Variants in CTNNA2 observed in about 807,000 individuals in gnomAD.
CTNNA2 encodes catenin alpha 2, also known as catenin alpha-2.
In CTNNA2, 42 loss-of-function variants were observed where a neutral mutation model predicts 101.0. The observed-to-expected ratio is 0.42, with a 90% CI of 0.32 to 0.54. The LOEUF (loss-of-function observed/expected upper bound fraction) is 0.54, where lower values mean the gene tolerates loss of function less well. CTNNA2 is among the 20% of genes least tolerant of loss of function. The pLI is 0.14. For synonymous variants in CTNNA2, 450 were observed against 456.4 expected, an observed-to-expected ratio of 0.99 and a Z score of 0.18; for missense variants, 871 against 1,223.1, an observed-to-expected ratio of 0.71 and a Z score of 4.29.
intron 7 of CTNNA2, among the ~76,000 whole-genome samples, chr2:80,036,381 G>A (rs923475055): frequency 6.6e-6 from 1 of 152,058 alleles, no homozygotes; most frequent in East Asian, 1.9e-4. Flanking sequence ...ATTGCTTGAG[G>A]CCAGGAGTTC....
rs201846936 is a variant in CTNNA2 at position 80,238,255 on chromosome 2, G to A, written c.1057-154956G>A. ...GGGCAAGGGGAATGGCGGCATGGCA[G>A]GCAAGGAGGGGCTGACAGCACGTTG... On this transcript the variant is annotated intron_variant, in intron 7 of 18. Coordinates refer to ENST00000402739, the MANE Select transcript of CTNNA2 (RefSeq NM_001282597.3). Among the ~76,000 whole-genome samples, 7 of 152,212 alleles carry A rather than the reference G, an allele frequency of 4.6e-5. No homozygotes were observed. The East Asian group carries it at 1.4e-3, about 30-fold the overall frequency.
intron 18 of CTNNA2, among the ~76,000 whole-genome samples, chr2:80,637,697 A>G (rs1558667727): frequency 6.6e-6 from 1 of 152,132 alleles, no homozygotes; most frequent in Non-Finnish European, 1.5e-5. Context: ...ACTTCCCCCA[A>G]CATATGAATA....
chr2:79,710,747 G>T (rs1685689293), intron 2 of CTNNA2, among the ~76,000 whole-genome samples: 1 of 152,120 alleles, frequency 6.6e-6, no homozygotes, highest in African/African-American at 2.4e-5. Context: ...TCTGTGTGTT[G>T]TGTGTGCATA....
chr2:80,074,594 C>T (rs181753684), intron 7 of CTNNA2, among the ~76,000 whole-genome samples: 223 of 152,154 alleles, frequency 1.5e-3, no homozygotes, highest in Middle Eastern at 3.4e-3. Flanking sequence ...GATCAAACAA[C>T]CTGAGTCCTG....
At chr2:79,985,453 C>T (rs1304806994) in intron 7 of CTNNA2, among the ~76,000 whole-genome samples, 6 of 152,106 alleles carry the variant, frequency 3.9e-5, no homozygotes, top group African/African-American at 1.4e-4. Flanking sequence ...AGAGTGGCAG[C>T]CTCTGAGTGT....
intron 4 of CTNNA2, among the ~76,000 whole-genome samples, chr2:79,395,313 C>T (rs1370987767): frequency 6.6e-6 from 1 of 151,952 alleles, no homozygotes; most frequent in African/African-American, 2.4e-5. Flanking sequence ...CATATGTATA[C>T]ATGTGCCATG....
chr2:80,297,537 A>G (rs1053968181), intron 7 of CTNNA2, among the ~76,000 whole-genome samples: 1 of 152,134 alleles, frequency 6.6e-6, no homozygotes, highest in Non-Finnish European at 1.5e-5. Context: ...CACTTTGAGT[A>G]AAAAAAGCAA....
chr2:79,223,625 C>G (rs1009634595), intron 2 of CTNNA2, among the ~76,000 whole-genome samples: 9 of 152,142 alleles, frequency 5.9e-5, no homozygotes, highest in Non-Finnish European at 2.9e-5. Context: ...TGCTAATTGC[C>G]CCTATATCCA....
rs1682649558 is a variant in CTNNA2 at position 79,669,152 on chromosome 2, G to T, written c.102+17494G>T. Among the ~76,000 whole-genome samples, 2 of 152,148 alleles carry T rather than the reference G, an allele frequency of 1.3e-5. 1 individual carries two copies. The highest frequency in any genetic ancestry group is 4.1e-4 in the South Asian group (2 of 4,836). On this transcript the variant is annotated intron_variant, in intron 2 of 18. Coordinates refer to ENST00000402739, the MANE Select transcript of CTNNA2 (RefSeq NM_001282597.3). ...AACTTTTCTTAGATATGCCCCACTT[G>T]GGGACTATCTTTAAGGGCCATGAAA...
At chr2:79,785,722 CACAGCT>C (rs1674788166) in intron 3 of CTNNA2, among the ~76,000 whole-genome samples, 1 of 152,028 alleles carries the variant, frequency 6.6e-6, no homozygotes, top group South Asian at 2.1e-4. Flanking sequence ...GTGCCTGACA[CACAGCT>C]AGCTGGACTT....
intron 3 of CTNNA2, among the ~76,000 whole-genome samples, chr2:79,315,327 A>G (rs1676469801): frequency 1.3e-5 from 2 of 152,180 alleles, no homozygotes; most frequent in African/African-American, 4.8e-5. Flanking sequence ...GAGCTGTACA[A>G]CCATTACCAC....
At chr2:79,603,359 C>T (rs915012617) in intron 1 of CTNNA2, among the ~76,000 whole-genome samples, 8 of 152,084 alleles carry the variant, frequency 5.3e-5, no homozygotes, top group Non-Finnish European at 1.2e-4. Context: ...ATAAAACATA[C>T]AAACTTAGAC....
chr2:79,865,103 C>T (rs1222572985), intron 4 of CTNNA2, among the ~76,000 whole-genome samples: 9 of 152,118 alleles, frequency 5.9e-5, no homozygotes, highest in Non-Finnish European at 1.3e-4. Context: ...ATTTGTATAA[C>T]ACACATTGAT....
intron 1 of CTNNA2, among the ~76,000 whole-genome samples, chr2:79,600,833 CTT>C (rs1424155695): frequency 5.3e-5 from 8 of 152,038 alleles, no homozygotes; most frequent in Admixed American, 5.2e-4. Context: ...GCCATATTCT[CTT>C]TGTGTTCCCA....
rs76285805 is a variant in CTNNA2 at position 79,650,202 on chromosome 2, T to G, written c.-5-1350T>G. On this transcript the variant is annotated intron_variant, in intron 1 of 18. Transcript: ENST00000402739. ...GGGGGGGGGGGAGGGGCTAGAACTG[T>G]AATTTTTTGCTTGTTGTGTGGAGAC... Among the ~76,000 whole-genome samples the G allele has an allele frequency of 8.4e-3, 1,162 of 137,958 alleles. 29 individuals are homozygous for G. Among genetic ancestry groups the G allele is most frequent in the African/African-American group, 0.027 (1,061 of 38,984 alleles). 90.5% of individuals were successfully genotyped at this position (137,958 alleles called of 152,430 possible). A position where few individuals can be genotyped will look rare whatever the true frequency, so the allele number is the denominator to read the frequency against.
At chr2:80,002,604 G>C (rs1056529345) in intron 7 of CTNNA2, among the ~76,000 whole-genome samples, 2 of 152,250 alleles carry the variant, frequency 1.3e-5, no homozygotes, top group Middle Eastern at 3.4e-3. Flanking sequence ...AAAGAATTCT[G>C]TAGACTCGGT....
At chr2:79,803,821 A>G (rs1210252311) in intron 3 of CTNNA2, among the ~76,000 whole-genome samples, 1 of 152,262 alleles carries the variant, frequency 6.6e-6, no homozygotes, top group African/African-American at 2.4e-5. Flanking sequence ...GAGCATGTGT[A>G]TAAGTTTTAT....
chr2:79,948,006 A>G (rs1380952281), intron 7 of CTNNA2, among the ~76,000 whole-genome samples: 3 of 152,216 alleles, frequency 2.0e-5, no homozygotes, highest in Non-Finnish European at 4.4e-5. Flanking sequence ...CCTGCCCTGC[A>G]AGAAAGGTCT....
chr2:79,896,671 G>A (rs145678379), intron 6 of CTNNA2, among the ~76,000 whole-genome samples: 56 of 152,304 alleles, frequency 3.7e-4, no homozygotes, highest in African/African-American at 1.3e-3. Context: ...GCACACAGGC[G>A]CACTGCTGCC....
Sources: gnomAD v4.1 joint callset for allele counts (sites outside exome capture counted in the v4.1 genomes callset) on GRCh38, gnomAD v4.1.1 for gene constraint, MANE v1.5 for transcripts, NCBI Gene and HGNC (gene_info 2026-07-23, HGNC 2026-07-21) for gene names.